The following CD47 variants were observed in gnomAD, a reference collection of about 807,000 sequenced individuals.
CD47 encodes CD47 molecule.
In CD47, 11 loss-of-function variants were observed where a neutral mutation model predicts 44.6. That is an observed-to-expected ratio of 0.25 (90% CI 0.16 to 0.41). CD47 has a LOEUF of 0.41. Among genes scored for constraint, CD47 ranks in the 10% least tolerant of loss-of-function variants. The pLI is 1.00. For synonymous variants in CD47, 140 were observed against 136.3 expected (o/e 1.03, Z -0.19); for missense variants, 306 against 386.7 (o/e 0.79, Z 1.75).
At chr3:108,054,377 T>C (rs760298168) in intron 7 of CD47, 1 of 152,222 alleles carries the variant, frequency 6.6e-6, no homozygotes, top group East Asian at 1.9e-4. Context: ...TGAAGAATGG[T>C]ACTTCAAAGG....
At chr3:108,075,429 A>G (rs1205997961) in intron 2 of CD47, among the ~76,000 whole-genome samples, 2 of 152,180 alleles carry the variant, frequency 1.3e-5, no homozygotes, top group African/African-American at 4.8e-5. Flanking sequence ...TCCCACAAAC[A>G]TAGGGAACAC....
chr3:108,072,302 A>C (rs1410426263), intron 2 of CD47, among the ~76,000 whole-genome samples: 1 of 152,174 alleles, frequency 6.6e-6, no homozygotes, highest in South Asian at 2.1e-4. Context: ...ACCACGCACT[A>C]TCTCTCAGGT....
At chr3:108,067,571 T>C (rs1353214328) in intron 3 of CD47, among the ~76,000 whole-genome samples, 1 of 152,202 alleles carries the variant, frequency 6.6e-6, no homozygotes, top group Admixed American at 6.5e-5. Flanking sequence ...AGTGGCAAAC[T>C]GTGAGTTGGT....
Position 108,055,839 on chromosome 3 carries a change from A to C in CD47, c.877+1638T>G, listed in dbSNP as rs1268885227. 1.3e-5 allele frequency among the ~76,000 whole-genome samples: 2 copies of C among 152,130 alleles called. 1 individual carries two copies. Among genetic ancestry groups the C allele is most frequent in the South Asian group, 4.1e-4 (2 of 4,826 alleles). ...AGTGATGGAGAAGGCAGGAGAGTGA[A>C]GTTAAGGAGGTGGCAGATAGACAAT... On this transcript the variant is annotated intron_variant, in intron 7 of 10. Coordinates refer to ENST00000361309, the MANE Select transcript of CD47 (RefSeq NM_001777.4).
At chr3:108,056,462 T>TA (rs1467111180) in intron 7 of CD47, among the ~76,000 whole-genome samples, 1 of 152,236 alleles carries the variant, frequency 6.6e-6, no homozygotes, top group Non-Finnish European at 1.5e-5. Flanking sequence ...TTGAAACTAT[T>TA]ATGTGAGTCA....
intron 4 of CD47, 44 bp from the exon 5 acceptor site, chr3:108,059,588 T>G (rs767181066): frequency 9.9e-7 from 1 of 1,010,436 alleles, no homozygotes. Flanking sequence ...CTACATACTT[T>G]TTAAATGTAC....
At chr3:108,061,888 T>G (rs2108238120) in intron 3 of CD47, among the ~76,000 whole-genome samples, 1 of 152,160 alleles carries the variant, frequency 6.6e-6, no homozygotes, top group Non-Finnish European at 1.5e-5. Context: ...TAGCATTTAG[T>G]TTTTTTTCTT....
chr3:108,090,341 T>G (rs1436423492), intron 1 of CD47, among the ~76,000 whole-genome samples: 1 of 152,220 alleles, frequency 6.6e-6, no homozygotes, highest in African/African-American at 2.4e-5. Flanking sequence ...TCTTCGCTCC[T>G]ATGTTCATGT....
At chr3:108,057,620 C>T (rs2078933337) in intron 6 of CD47, 51 bp from the exon 7 acceptor site, 2 of 920,868 alleles carry the variant, frequency 2.2e-6, no homozygotes, top group South Asian at 2.9e-5. Context: ...AAATAACTTA[C>T]TAAAAAACAG....
chr3:108,077,412 A>T (rs1036490191), intron 2 of CD47, among the ~76,000 whole-genome samples: 3 of 152,074 alleles, frequency 2.0e-5, no homozygotes, highest in African/African-American at 7.2e-5. Flanking sequence ...ACTGGTGAGG[A>T]TGTGGAGAAA....
intron 3 of CD47, 35 bp from the exon 4 acceptor site, chr3:108,060,887 A>G: frequency 7.3e-7 from 1 of 1,379,216 alleles, no homozygotes; most frequent in African/African-American, 1.4e-5. Context: ...ATATGAACTC[A>G]ATCACAAGTG....
intron 5 of CD47, among the ~76,000 whole-genome samples, chr3:108,058,765 G>A (rs2078961289): frequency 6.6e-6 from 1 of 152,184 alleles, no homozygotes; most frequent in African/African-American, 2.4e-5. Flanking sequence ...ACATGGAATT[G>A]CTCTTGCTGA....
chr3:108,079,938 G>T, intron 2 of CD47, 53 bp downstream of exon 2: 1 of 1,230,792 alleles, frequency 8.1e-7, no homozygotes, highest in Non-Finnish European at 1.2e-6. Context: ...TCTCGAAAGA[G>T]GATCAGGTTG....
intron 8 of CD47, 46 bp downstream of exon 8, chr3:108,051,893 T>C: frequency 7.1e-7 from 1 of 1,417,396 alleles, no homozygotes; most frequent in Non-Finnish European, 1.0e-6. Flanking sequence ...CTCAGTCTAA[T>C]CCCTCAAATG....
intron 2 of CD47, among the ~76,000 whole-genome samples, chr3:108,074,146 T>A (rs776332186): frequency 1.3e-5 from 2 of 152,068 alleles, no homozygotes; most frequent in Non-Finnish European, 2.9e-5. Context: ...CAGTAAAAAA[T>A]CTGAATCGCC....
At chr3:108,080,504 A>C (rs964444252) in intron 1 of CD47, among the ~76,000 whole-genome samples, 160 bp from the exon 2 acceptor site, 1 of 151,932 alleles carries the variant, frequency 6.6e-6, no homozygotes, top group Non-Finnish European at 1.5e-5. Flanking sequence ...ATATGCAAAC[A>C]AATTATATTT....
intron 2 of CD47, among the ~76,000 whole-genome samples, chr3:108,072,032 T>C (rs1224516211): frequency 3.3e-5 from 5 of 152,334 alleles, no homozygotes; most frequent in South Asian, 4.1e-4. Context: ...ACATATCCTA[T>C]ATAAAGGAAA....
chr3:108,082,521 G>C (rs866879595), intron 1 of CD47, among the ~76,000 whole-genome samples: 2 of 151,724 alleles, frequency 1.3e-5, no homozygotes, highest in Admixed American at 6.6e-5. Flanking sequence ...TTGCTAGTTT[G>C]CTTGTTAATT....
At chr3:108,059,048 TCTA>T (rs1328935832) in intron 5 of CD47, among the ~76,000 whole-genome samples, 1 of 152,230 alleles carries the variant, frequency 6.6e-6, no homozygotes, top group Non-Finnish European at 1.5e-5. Context: ...CAAATATGTT[TCTA>T]CTATTTGTGA....
Sources: gnomAD v4.1 joint callset for allele counts (sites outside exome capture counted in the v4.1 genomes callset) on GRCh38, gnomAD v4.1.1 for gene constraint, MANE v1.5 for transcripts, NCBI Gene and HGNC (gene_info 2026-07-23, HGNC 2026-07-21) for gene names.